Variants in USP25 observed in about 807,000 individuals in gnomAD.
USP25 encodes ubiquitin carboxyl-terminal hydrolase 25.
In USP25, 85 loss-of-function variants were observed where a neutral mutation model predicts 158.5. The ratio of observed to expected loss-of-function variants is 0.54; its 90% CI spans 0.45 to 0.64. USP25 has a LOEUF of 0.64. Ranked by LOEUF, USP25 falls within the 30% of genes least tolerant of loss-of-function variation. The pLI, the probability that USP25 is intolerant of heterozygous loss-of-function variation, is 0.00. For synonymous variants in USP25, 464 were observed against 460.4 expected (o/e 1.01, Z -0.10); for missense variants, 1,242 against 1,327.3 (o/e 0.94, Z 1.00).
intron 8 of USP25, 92 bp downstream of exon 8, chr21:15,808,977 A>G: frequency 2.2e-6 from 2 of 901,880 alleles, no homozygotes; most frequent in South Asian, 4.0e-5. Context: ...ATCAAGACAG[A>G]CTTATGGGAA....
intron 1 of USP25, among the ~76,000 whole-genome samples, chr21:15,753,237 G>T (rs867736215): frequency 3.9e-5 from 6 of 152,134 alleles, no homozygotes; most frequent in African/African-American, 1.4e-4. Flanking sequence ...CCCCCCCAGG[G>T]TGCTGACTTT....
rs1027280624 is a variant in USP25, at chr21:15,833,407, T to C, written c.2053T>C (p.Leu685=). The C allele has an allele frequency of 1.2e-5, 20 of 1,613,848 alleles. No individual in the cohort carries two copies. Among genetic ancestry groups the C allele is most frequent in the Non-Finnish European group, 1.6e-5 (19 of 1,179,966 alleles). The change falls in exon 17 of 26, where the codon TTG becomes CTG. Residue 685 remains leucine, a synonymous_variant. Coordinates refer to ENST00000400183, the MANE Select transcript of USP25 (RefSeq NM_001283041.3). The part of the protein sequence containing the change: ...LVGIETLPPD[L]RDFVEEDNQR... ...TGGTATAGAAACATTACCACCGGAT[T>C]TGAGAGATTTTGTTGAGGAAGACAA...
intron 6 of USP25, 138 bp downstream of exon 6, chr21:15,799,981 A>G (rs2036050127): frequency 2.2e-6 from 1 of 461,324 alleles, no homozygotes; most frequent in South Asian, 6.7e-5. Context: ...CTTAGTTACC[A>G]TAGCAAGTTC....
intron 6 of USP25, among the ~76,000 whole-genome samples, chr21:15,803,874 A>G (rs761849103): frequency 1.3e-5 from 2 of 151,840 alleles, no homozygotes; most frequent in Non-Finnish European, 2.9e-5. Flanking sequence ...TCTAGAAGCA[A>G]TTCTTTCTAT....
chr21:15,873,857 T>G (rs2039992954), intron 23 of USP25, among the ~76,000 whole-genome samples: 1 of 152,162 alleles, frequency 6.6e-6, no homozygotes, highest in Non-Finnish European at 1.5e-5. Flanking sequence ...TTTCCCAGAT[T>G]TAGAAGAAAT....
intron 21 of USP25, 123 bp downstream of exon 21, chr21:15,864,569 T>A: frequency 3.2e-6 from 3 of 933,300 alleles, no homozygotes; most frequent in Non-Finnish European, 4.5e-6. Flanking sequence ...AATAAATACG[T>A]AACAAAATTT....
At chr21:15,806,645 T>G (rs1372513528) in intron 7 of USP25, among the ~76,000 whole-genome samples, 1 of 152,138 alleles carries the variant, frequency 6.6e-6, no homozygotes, top group African/African-American at 2.4e-5. Flanking sequence ...CTTTTGAAAT[T>G]AGTGATTCTT....
intron 3 of USP25, among the ~76,000 whole-genome samples, chr21:15,776,426 T>A (rs1484716913): frequency 6.6e-6 from 1 of 152,130 alleles, no homozygotes; most frequent in African/African-American, 2.4e-5. Context: ...GGAGAACGTG[T>A]GGATAAAAAT....
intron 1 of USP25, among the ~76,000 whole-genome samples, chr21:15,749,436 G>C (rs566905981): frequency 1.3e-5 from 2 of 152,212 alleles, no homozygotes; most frequent in Non-Finnish European, 2.9e-5. Context: ...TATTTTCCGA[G>C]TCATATATGT....
intron 6 of USP25, among the ~76,000 whole-genome samples, chr21:15,803,644 A>G (rs2036237116): frequency 6.6e-6 from 1 of 151,920 alleles, no homozygotes; most frequent in South Asian, 2.1e-4. Context: ...TCCAAAAATT[A>G]TTACTTCCAA....
At chr21:15,765,148 G>A (rs762090206) in intron 2 of USP25, among the ~76,000 whole-genome samples, 7 of 152,072 alleles carry the variant, frequency 4.6e-5, no homozygotes, top group African/African-American at 1.7e-4. Flanking sequence ...GGAACCTACA[G>A]AGCCTTCCAT....
At chr21:15,765,733 G>A (rs2034002850) in intron 2 of USP25, among the ~76,000 whole-genome samples, 1 of 151,974 alleles carries the variant, frequency 6.6e-6, no homozygotes, top group Non-Finnish European at 1.5e-5. Context: ...CTTTTATTAA[G>A]CAGATAGGAA....
chr21:15,769,531 A>C (rs2034229805), intron 3 of USP25, among the ~76,000 whole-genome samples: 1 of 152,130 alleles, frequency 6.6e-6, no homozygotes, highest in Admixed American at 6.6e-5. Context: ...TCCCTGGCTT[A>C]AATTGAGAAT....
At chr21:15,747,676 G>C (rs1056789528) in intron 1 of USP25, among the ~76,000 whole-genome samples, 1 of 152,166 alleles carries the variant, frequency 6.6e-6, no homozygotes, top group Non-Finnish European at 1.5e-5. Flanking sequence ...TAAGTGGGTA[G>C]TATACACAGT....
chr21:15,844,249 A>G (rs1161115727), intron 18 of USP25, among the ~76,000 whole-genome samples: 1 of 152,124 alleles, frequency 6.6e-6, no homozygotes, highest in African/African-American at 2.4e-5. Context: ...GGTTTTTTTC[A>G]TTTAAACTTA....
intron 5 of USP25, among the ~76,000 whole-genome samples, chr21:15,792,139 A>G (rs1446981426): frequency 6.6e-6 from 1 of 151,758 alleles, no homozygotes; most frequent in Non-Finnish European, 1.5e-5. Context: ...CTGAGTTTGC[A>G]TGTGAAATGA....
At chr21:15,730,976 G>GTTTTTTTTTTTTTTTTTTTTTTTTGTT (rs2030795603) in intron 1 of USP25, among the ~76,000 whole-genome samples, 1 of 53,646 alleles carries the variant, frequency 1.9e-5, no homozygotes, top group African/African-American at 6.9e-5. Flanking sequence ...CTTCTTTTCT[G>GTTTTTTTTTTTTTTTTTTTTTTTTGTT]TTTTTTTTTT....
intron 18 of USP25, 65 bp from the exon 19 acceptor site, chr21:15,847,598 C>A: frequency 1.8e-6 from 2 of 1,126,920 alleles, no homozygotes; most frequent in Non-Finnish European, 2.6e-6. Flanking sequence ...TACAGTTGTG[C>A]AAGGATGCCA....
intron 4 of USP25, among the ~76,000 whole-genome samples, chr21:15,781,101 A>G (rs1383759458): frequency 6.6e-6 from 1 of 152,180 alleles, no homozygotes; most frequent in Non-Finnish European, 1.5e-5. Flanking sequence ...AGTATCAGCA[A>G]CAGTGAGGTA....
Sources: allele counts gnomAD v4.1 joint callset (sites outside exome capture counted in the v4.1 genomes callset), GRCh38; gene constraint gnomAD v4.1.1; transcripts MANE v1.5; gene names NCBI Gene and HGNC (gene_info 2026-07-23, HGNC 2026-07-21).